Variants in RGS5 observed in about 807,000 individuals in gnomAD.
RGS5 encodes regulator of G-protein signalling 5.
A neutral mutation model predicts 18.9 loss-of-function variants in RGS5; 20 were observed. The ratio of observed to expected loss-of-function variants is 1.06; its 90% CI spans 0.74 to 1.54. The LOEUF is 1.54. Ranked by LOEUF, RGS5 falls within the 40% of genes most tolerant of loss-of-function variation. RGS5 has a pLI of 0.00. For missense variants in RGS5, 201 were observed against 211.8 expected, an observed-to-expected ratio of 0.95 and a Z score of 0.32; for synonymous variants, 57 against 76.2, an observed-to-expected ratio of 0.75 and a Z score of 1.31.
chr1:163,219,631 G>C (rs12754331), upstream of RGS5, among the ~76,000 whole-genome samples: 83,231 of 151,864 alleles, frequency 0.55, 23,002 homozygotes, highest in Non-Finnish European at 0.6. Flanking sequence ...TTCATGCATT[G>C]CTGTTTTCAA....
intron 1 of RGS5, among the ~76,000 whole-genome samples, chr1:163,306,803 C>T (rs578187867): frequency 7.3e-4 from 111 of 152,194 alleles, no homozygotes; most frequent in African/African-American, 2.5e-3. Flanking sequence ...ATCTACAAGC[C>T]AAGGAATGCC....
intron 2 of RGS5, among the ~76,000 whole-genome samples, chr1:163,289,475 A>G (rs999284390): frequency 5.9e-5 from 9 of 152,232 alleles, no homozygotes; most frequent in African/African-American, 2.2e-4. Flanking sequence ...CAGTAAGATC[A>G]AAGGTAGGAT....
At chr1:163,210,421 G>A (rs1381283665) in intron 1 of RGS5, among the ~76,000 whole-genome samples, 1 of 152,066 alleles carries the variant, frequency 6.6e-6, no homozygotes, top group Non-Finnish European at 1.5e-5. Flanking sequence ...TCTTGTTCTA[G>A]TTTTATGGAT....
chr1:163,195,473 G>C, intron 1 of RGS5, among the ~76,000 whole-genome samples: 1 of 152,000 alleles, frequency 6.6e-6, no homozygotes, highest in Non-Finnish European at 1.5e-5. Context: ...ATAGGCTACA[G>C]GGTGCAGTGC....
chr1:163,263,686 T>C (rs1648507569), intron 2 of RGS5, among the ~76,000 whole-genome samples: 1 of 152,090 alleles, frequency 6.6e-6, no homozygotes, highest in Admixed American at 6.6e-5. Context: ...CATAATGTTG[T>C]CTAAAGCAGG....
intron 1 of RGS5, among the ~76,000 whole-genome samples, chr1:163,193,887 C>T (rs1344426862): frequency 6.6e-6 from 1 of 152,160 alleles, no homozygotes; most frequent in Non-Finnish European, 1.5e-5. Flanking sequence ...TTCAGAAGGG[C>T]AGGAGTGGGC....
intron 3 of RGS5, among the ~76,000 whole-genome samples, chr1:163,153,663 GATATAGATATAGCCTATTAT>G (rs1006486726): frequency 2.1e-4 from 32 of 149,912 alleles, no homozygotes; most frequent in Middle Eastern, 3.2e-3. Flanking sequence ...AGTCTATATA[GATATAGATATAGCCTATTAT>G]ATATAGATAT....
chr1:163,210,305 A>G (rs555847644), intron 1 of RGS5, among the ~76,000 whole-genome samples: 12 of 152,276 alleles, frequency 7.9e-5, no homozygotes, highest in South Asian at 6.2e-4. Flanking sequence ...GCCAGGCTGT[A>G]TGTCTTTATT....
At chr1:163,182,570 C>T (rs1658898329) in intron 1 of RGS5, among the ~76,000 whole-genome samples, 1 of 152,164 alleles carries the variant, frequency 6.6e-6, no homozygotes, top group South Asian at 2.1e-4. Context: ...AAGGACAAGA[C>T]CAACAAGACA....
chr1:163,320,232 G>C (rs1650151949), intron 1 of RGS5, among the ~76,000 whole-genome samples: 2 of 152,034 alleles, frequency 1.3e-5, no homozygotes, highest in Non-Finnish European at 2.9e-5. Flanking sequence ...CTTGCCACTT[G>C]CAAGGTATTT....
chr1:163,223,136 C>T (rs111640454), intron 2 of RGS5, among the ~76,000 whole-genome samples: 2,663 of 152,232 alleles, frequency 0.017, 70 homozygotes, highest in African/African-American at 0.058. Context: ...TGAGCCACTG[C>T]GCCCAGCCTC....
upstream of RGS5, among the ~76,000 whole-genome samples, chr1:163,218,280 C>T (rs1451761823): frequency 6.6e-6 from 1 of 152,046 alleles, no homozygotes; most frequent in Non-Finnish European, 1.5e-5. Context: ...TTTAGCATTT[C>T]CTATAATTAT....
At chr1:163,218,630 A>C (rs1660269456), upstream of RGS5, among the ~76,000 whole-genome samples, 1 of 152,030 alleles carries the variant, frequency 6.6e-6, no homozygotes, top group Admixed American at 6.6e-5. Context: ...TAGTAAAAAA[A>C]AATTTATGTA....
At chr1:163,252,334 T>G (rs12079684) in intron 2 of RGS5, among the ~76,000 whole-genome samples, 1,804 of 152,332 alleles carry the variant, frequency 0.012, 30 homozygotes, top group African/African-American at 0.04. Context: ...CATAAAAGTC[T>G]TTTGTTAGGT....
intron 1 of RGS5, among the ~76,000 whole-genome samples, chr1:163,315,153 GACT>G (rs1649986287): frequency 6.6e-6 from 1 of 152,066 alleles, no homozygotes; most frequent in Non-Finnish European, 1.5e-5. Context: ...AATAAAATTA[GACT>G]ACATTAAGAT....
At chr1:163,212,685 G>A (rs1353467257) in intron 1 of RGS5, 1 of 152,120 alleles carries the variant, frequency 6.6e-6, no homozygotes. Context: ...TAAGTCAAGG[G>A]GACAGCTGTC....
intron 2 of RGS5, among the ~76,000 whole-genome samples, chr1:163,296,820 T>C (rs1426767231): frequency 6.6e-6 from 1 of 152,142 alleles, no homozygotes; most frequent in Non-Finnish European, 1.5e-5. Flanking sequence ...GAACAGAATA[T>C]GCCACCCTAA....
chr1:163,204,920 T>TA (rs1237761571), upstream of RGS5, among the ~76,000 whole-genome samples: 2 of 152,144 alleles, frequency 1.3e-5, no homozygotes, highest in East Asian at 3.8e-4. Context: ...TGGCGAGGGC[T>TA]AAAAATCAAA....
intron 2 of RGS5, among the ~76,000 whole-genome samples, chr1:163,273,763 G>C (rs907646814): frequency 6.6e-6 from 1 of 152,078 alleles, no homozygotes; most frequent in Non-Finnish European, 1.5e-5. Context: ...TTGAATATAA[G>C]ACATTTCAGA....
Sources: gnomAD v4.1 joint callset for allele counts (sites outside exome capture counted in the v4.1 genomes callset) on GRCh38, gnomAD v4.1.1 for gene constraint, MANE v1.5 for transcripts, NCBI Gene and HGNC (gene_info 2026-07-23, HGNC 2026-07-21) for gene names.